The following KCNIP1 variants were observed in gnomAD, a reference collection of about 807,000 sequenced individuals.
KCNIP1 encodes potassium voltage-gated channel interacting protein 1, also known as A-type potassium channel modulatory protein KCNIP1.
Under a neutral mutation model 33.0 loss-of-function variants are expected in KCNIP1, and 18 were observed. The observed-to-expected ratio is 0.55, with a 90% confidence interval of 0.38 to 0.81. The LOEUF is 0.81. Ranked by LOEUF, KCNIP1 falls within the 30% of genes least tolerant of loss-of-function variation. The probability of loss-of-function intolerance (pLI) is 0.00; values close to 1 mark genes in which losing one functional copy is unlikely to be tolerated. For synonymous variants in KCNIP1, 93 were observed against 98.3 expected (o/e 0.95, Z 0.32); for missense variants, 238 against 271.6 (o/e 0.88, Z 0.87).
intron 1 of KCNIP1, among the ~76,000 whole-genome samples, chr5:170,656,992 C>CTTTTTTTTTTTT (rs11397076): frequency 2.0e-4 from 23 of 116,436 alleles, no homozygotes; most frequent in African/African-American, 5.1e-4. Context: ...TTTTTTCTTT[C>CTTTTTTTTTTTT]TTTCTTTTTT....
At chr5:170,488,842 G>A (rs1258933551) in intron 1 of KCNIP1, among the ~76,000 whole-genome samples, 1 of 152,214 alleles carries the variant, frequency 6.6e-6, no homozygotes, top group African/African-American at 2.4e-5. Flanking sequence ...GGCCTGCAGA[G>A]GACCCAGAGA....
At chr5:170,553,227 A>G (rs1470455984) in intron 1 of KCNIP1, among the ~76,000 whole-genome samples, 3 of 152,272 alleles carry the variant, frequency 2.0e-5, no homozygotes, top group African/African-American at 4.8e-5. Flanking sequence ...ACAGGGAAGG[A>G]TGCCTGGAGA....
intron 1 of KCNIP1, among the ~76,000 whole-genome samples, chr5:170,692,918 T>G (rs903075513): frequency 6.6e-6 from 1 of 152,210 alleles, no homozygotes; most frequent in Non-Finnish European, 1.5e-5. Context: ...TAATGAAACT[T>G]GCTATCTCCA....
At chr5:170,715,343 T>C (rs28416637) in intron 1 of KCNIP1, among the ~76,000 whole-genome samples, 20,807 of 152,150 alleles carry the variant, frequency 0.14, 1,826 homozygotes, top group African/African-American at 0.25. Context: ...ATCCCTGTTG[T>C]TAAGCGACAC....
At chr5:170,636,800 C>T (rs1296035270) in intron 1 of KCNIP1, among the ~76,000 whole-genome samples, 2 of 152,160 alleles carry the variant, frequency 1.3e-5, no homozygotes, top group African/African-American at 2.4e-5. Flanking sequence ...CTCCTACATA[C>T]GAAGTGCTCT....
At chr5:170,382,623 C>G (rs1764287563) in intron 1 of KCNIP1, 1 of 152,498 alleles carries the variant, frequency 6.6e-6, no homozygotes, top group South Asian at 2.1e-4. Flanking sequence ...CCTGCGCCTG[C>G]CTGATGTTAA....
chr5:170,655,148 A>T (rs1437291205), intron 1 of KCNIP1, among the ~76,000 whole-genome samples: 1 of 152,224 alleles, frequency 6.6e-6, no homozygotes, highest in Non-Finnish European at 1.5e-5. Context: ...CTTAAAATAC[A>T]TGTAAATATG....
chr5:170,706,969 A>C (rs1763274865), intron 1 of KCNIP1, among the ~76,000 whole-genome samples: 1 of 152,140 alleles, frequency 6.6e-6, no homozygotes, highest in African/African-American at 2.4e-5. Context: ...ATCTCCATGT[A>C]CTGGAACTTC....
intron 7 of KCNIP1, among the ~76,000 whole-genome samples, chr5:170,735,447 A>G (rs1268033147): frequency 1.3e-5 from 2 of 152,254 alleles, no homozygotes; most frequent in African/African-American, 2.4e-5. Flanking sequence ...GTAATTAATC[A>G]CATTAATAGA....
intron 1 of KCNIP1, chr5:170,712,936 G>T: frequency 6.8e-7 from 1 of 1,462,448 alleles, no homozygotes; most frequent in Non-Finnish European, 9.6e-7. Context: ...ACTTGCAAAG[G>T]CAGAGCTTCT....
intron 1 of KCNIP1, among the ~76,000 whole-genome samples, chr5:170,648,036 A>G (rs1367182408): frequency 2.6e-5 from 4 of 152,220 alleles, no homozygotes; most frequent in Non-Finnish European, 5.9e-5. Flanking sequence ...AATGCTCCAC[A>G]TATGTCATTA....
At chr5:170,470,881 G>T (rs1756707559) in intron 1 of KCNIP1, among the ~76,000 whole-genome samples, 1 of 152,176 alleles carries the variant, frequency 6.6e-6, no homozygotes, top group Non-Finnish European at 1.5e-5. Context: ...CATGGTGGTT[G>T]GAGTTCGGTC....
intron 1 of KCNIP1, among the ~76,000 whole-genome samples, chr5:170,475,427 G>A (rs547867193): frequency 2.0e-4 from 31 of 152,272 alleles, no homozygotes; most frequent in Admixed American, 3.3e-4. Context: ...AGAGGAGGGC[G>A]GTGCTGGGAG....
At chr5:170,583,895 A>C (rs771416310) in intron 1 of KCNIP1, among the ~76,000 whole-genome samples, 7 of 152,196 alleles carry the variant, frequency 4.6e-5, no homozygotes, top group Non-Finnish European at 8.8e-5. Flanking sequence ...TATGGGGTTC[A>C]TGTGATACTT....
intron 1 of KCNIP1, among the ~76,000 whole-genome samples, chr5:170,492,312 A>C (rs1757223364): frequency 6.6e-6 from 1 of 152,254 alleles, no homozygotes; most frequent in African/African-American, 2.4e-5. Context: ...TGCAACTCAG[A>C]AACAGCCAAA....
At chr5:170,635,404 C>G (rs1760242865) in intron 1 of KCNIP1, among the ~76,000 whole-genome samples, 1 of 152,134 alleles carries the variant, frequency 6.6e-6, no homozygotes, top group African/African-American at 2.4e-5. Context: ...ACATGTTACC[C>G]CCTCAGAGAT....
At chr5:170,560,514 T>C (rs557453311) in intron 1 of KCNIP1, among the ~76,000 whole-genome samples, 1 of 152,164 alleles carries the variant, frequency 6.6e-6, no homozygotes, top group African/African-American at 2.4e-5. Context: ...TCTGGACTCC[T>C]TCATGGGAGC....
rs75532228 is a variant in KCNIP1 at position 170,516,530 on chromosome 5, C to T, written c.61+11897C>T. On this transcript the variant is annotated intron_variant, in intron 1 of 7. Coordinates refer to ENST00000328939, the MANE Select transcript of KCNIP1 (RefSeq NM_014592.4). ...TGGGATTCCTTAATTAGAATTCATGCGGCAGAGAAACTTGGGCATGACTTT... is the reference window on the plus strand; with the variant it reads ...TGGGATTCCTTAATTAGAATTCATGTGGCAGAGAAACTTGGGCATGACTTT... 8.4e-3 allele frequency among the ~76,000 whole-genome samples: 1,274 copies of T among 152,246 alleles called. 23 individuals carry two copies. The highest frequency in any genetic ancestry group is 0.028 in the African/African-American group (1,180 of 41,538).
At chr5:170,417,240 G>T (rs975246300) in intron 1 of KCNIP1, among the ~76,000 whole-genome samples, 1 of 152,150 alleles carries the variant, frequency 6.6e-6, no homozygotes, top group Non-Finnish European at 1.5e-5. Context: ...TTTGTAAGCA[G>T]TCATTTTGTC....
Sources: gnomAD v4.1 joint callset for allele counts (sites outside exome capture counted in the v4.1 genomes callset) on GRCh38, gnomAD v4.1.1 for gene constraint, MANE v1.5 for transcripts, NCBI Gene and HGNC (gene_info 2026-07-23, HGNC 2026-07-21) for gene names.